Variants in RPTOR observed in about 807,000 individuals in gnomAD.
The protein encoded by RPTOR is regulatory associated protein of MTOR complex 1, also known as regulatory-associated protein of mTOR.
Under a neutral mutation model 169.9 loss-of-function variants are expected in RPTOR, and 21 were observed. That is an observed-to-expected ratio of 0.12 (90% CI 0.09 to 0.18). The LOEUF (loss-of-function observed/expected upper bound fraction) is 0.18. Ranked by LOEUF, RPTOR falls within the 10% of genes least tolerant of loss-of-function variation. The probability of loss-of-function intolerance (pLI) is 1.00; values close to 1 mark genes in which losing one functional copy is unlikely to be tolerated. For missense variants in RPTOR, 1,133 were observed against 1,855.9 expected (o/e 0.61, Z 7.16); for synonymous variants, 732 against 753.2 (o/e 0.97, Z 0.46).
At chr17:80,851,938 CTT>C (rs1007606271) in intron 11 of RPTOR, among the ~76,000 whole-genome samples, 3 of 152,254 alleles carry the variant, frequency 2.0e-5, no homozygotes, top group Non-Finnish European at 2.9e-5. Flanking sequence ...AGAAAACAAT[CTT>C]TGTAAGCTTT....
chr17:80,961,161 C>T (rs1377949358), intron 30 of RPTOR, among the ~76,000 whole-genome samples: 1 of 152,224 alleles, frequency 6.6e-6, no homozygotes, highest in Non-Finnish European at 1.5e-5. Context: ...TGACGGTGAC[C>T]TAGGGCCCAG....
At chr17:80,880,391 T>C (rs777587768) in intron 13 of RPTOR, 24 bp from the exon 14 acceptor site, 3 of 1,610,514 alleles carry the variant, frequency 1.9e-6, no homozygotes, top group African/African-American at 2.7e-5. Flanking sequence ...ACTCACTGCC[T>C]CTCCTCTGTC....
chr17:80,813,667 A>C (rs1259603534), intron 7 of RPTOR, among the ~76,000 whole-genome samples: 2 of 152,232 alleles, frequency 1.3e-5, no homozygotes, highest in Non-Finnish European at 2.9e-5. Context: ...GAAATTGCTC[A>C]GTTCACCTCC....
At chr17:80,813,453 G>A (rs1231885124) in intron 7 of RPTOR, among the ~76,000 whole-genome samples, 1 of 152,154 alleles carries the variant, frequency 6.6e-6, no homozygotes, top group Non-Finnish European at 1.5e-5. Context: ...TTATGTGTAA[G>A]GTTTCAATGC....
Position 80,646,029 on chromosome 17 carries a change from C to T in RPTOR, c.348+2219C>T, listed in dbSNP as rs538391459. ...AATGTGTTAAGATTACAGGATGCTT[C>T]GGAAAAGGTACCAGCGCAGGCGGGA... On this transcript the variant is annotated intron_variant, in intron 3 of 33. Coordinates refer to ENST00000306801, the MANE Select transcript of RPTOR (RefSeq NM_020761.3). The surrounding 1 kb of genome is among the most constrained non-coding windows in gnomAD (Gnocchi z 5.0). 2.0e-5 allele frequency among the ~76,000 whole-genome samples: 3 copies of T among 152,232 alleles called. No individual in the cohort carries two copies. Among genetic ancestry groups the T allele is most frequent in the East Asian group, 1.9e-4 (1 of 5,186 alleles).
intron 3 of RPTOR, among the ~76,000 whole-genome samples, chr17:80,705,166 A>G (rs955861141): frequency 2.0e-5 from 3 of 152,256 alleles, no homozygotes; most frequent in Non-Finnish European, 2.9e-5. Flanking sequence ...GTGCGTGTCA[A>G]CGCACATCCT....
chr17:80,813,096 G>A lies in RPTOR; in HGVS notation c.891-9105G>A, dbSNP rs80242566. 4.7e-3 allele frequency among the ~76,000 whole-genome samples: 713 copies of A among 152,276 alleles called. 8 individuals are homozygous for A. The highest frequency in any genetic ancestry group is 0.016 in the African/African-American group (677 of 41,554). On this transcript the variant is annotated intron_variant, in intron 7 of 33. Transcript: ENST00000306801. ...GTTGCAAACTATTCAGACCAATATC[G>A]TGTATTATAATTTGTAAACCATGGG...
At chr17:80,964,209 C>CCCCCGGTGG in intron 33 of RPTOR, 53 bp from the exon 34 acceptor site, 1 of 1,325,552 alleles carries the variant, frequency 7.5e-7, no homozygotes, top group Non-Finnish European at 1.1e-6. Context: ...CCCCGCCCCC[C>CCCCCGGTGG]GCAGTGTCTG....
At chr17:80,758,646 A>G (rs2066704529) in intron 6 of RPTOR, among the ~76,000 whole-genome samples, 1 of 152,028 alleles carries the variant, frequency 6.6e-6, no homozygotes, top group Non-Finnish European at 1.5e-5. Context: ...CGCACAGTGG[A>G]CACTGCCGAG....
chr17:80,834,362 G>A (rs1217301398), intron 9 of RPTOR, among the ~76,000 whole-genome samples: 2 of 152,028 alleles, frequency 1.3e-5, no homozygotes, highest in African/African-American at 2.4e-5. Flanking sequence ...GCTCTGCCTC[G>A]AGTCCACAGC....
At chr17:80,822,938 C>T (rs1222523108) in intron 8 of RPTOR, 141 bp from the exon 9 acceptor site, 5 of 827,344 alleles carry the variant, frequency 6.0e-6, no homozygotes, top group East Asian at 2.6e-5. Flanking sequence ...TGTGTTTAAG[C>T]GTGTGTGTGT....
At chr17:80,863,825 C>G (rs564539728) in intron 13 of RPTOR, among the ~76,000 whole-genome samples, 2 of 152,252 alleles carry the variant, frequency 1.3e-5, no homozygotes, top group East Asian at 3.9e-4. Context: ...AAGGCTGAGG[C>G]GGGAGAATCG....
At chr17:80,939,990 C>T (rs976393280) in intron 24 of RPTOR, among the ~76,000 whole-genome samples, 1 of 152,162 alleles carries the variant, frequency 6.6e-6, no homozygotes, top group African/African-American at 2.4e-5. Context: ...CTCCCAGCTC[C>T]GGGGAGGGAC....
chr17:80,811,576 T>C (rs7225943), intron 7 of RPTOR, among the ~76,000 whole-genome samples: 371 of 71,452 alleles, frequency 5.2e-3, no homozygotes, highest in Middle Eastern at 0.047. Flanking sequence ...CCACAGAACA[T>C]AGCCACGCCC....
chr17:80,821,202 T>G (rs985725662), intron 7 of RPTOR, among the ~76,000 whole-genome samples: 4 of 152,224 alleles, frequency 2.6e-5, no homozygotes, highest in Admixed American at 6.5e-5. Flanking sequence ...GAGGATCCCT[T>G]GAGCCTAGGA....
intron 19 of RPTOR, among the ~76,000 whole-genome samples, chr17:80,893,325 C>T (rs1374556083): frequency 2.3e-4 from 27 of 116,516 alleles, no homozygotes; most frequent in African/African-American, 6.3e-4. Flanking sequence ...GGTGTGTGCG[C>T]GCGCCAGGTG....
chr17:80,558,278 G>A (rs1014198550), intron 1 of RPTOR, among the ~76,000 whole-genome samples: 3 of 152,162 alleles, frequency 2.0e-5, no homozygotes, highest in Non-Finnish European at 4.4e-5. Flanking sequence ...TCCAGACTGG[G>A]TGACAGAGCT....
At chr17:80,824,919 A>T (rs1423739288) in intron 9 of RPTOR, among the ~76,000 whole-genome samples, 1 of 152,252 alleles carries the variant, frequency 6.6e-6, no homozygotes, top group African/African-American at 2.4e-5. Flanking sequence ...GGACAGGTGC[A>T]GGGAGGGGCA....
chr17:80,762,729 A>G (rs2066747736), intron 6 of RPTOR, among the ~76,000 whole-genome samples: 1 of 152,230 alleles, frequency 6.6e-6, no homozygotes, highest in South Asian at 2.1e-4. Context: ...AGAATAAACC[A>G]GGAAGCTGAG....
Sources: gnomAD v4.1 joint callset for allele counts (sites outside exome capture counted in the v4.1 genomes callset) on GRCh38, gnomAD v4.1.1 for gene constraint, Gnocchi (gnomAD v3.1) non-coding constraint, MANE v1.5 for transcripts, NCBI Gene and HGNC (gene_info 2026-07-23, HGNC 2026-07-21) for gene names.